Variants in GRIK3 observed in about 807,000 individuals in gnomAD.
GRIK3 encodes glutamate receptor ionotropic, kainate 3.
A neutral mutation model predicts 102.5 loss-of-function variants in GRIK3; 29 were observed. That is an observed-to-expected ratio of 0.28 (90% CI 0.21 to 0.39). The LOEUF is 0.39. Ranked by LOEUF, GRIK3 falls within the 10% of genes least tolerant of loss-of-function variation. GRIK3 has a pLI of 1.00. For synonymous variants in GRIK3, 511 were observed against 504.9 expected, an observed-to-expected ratio of 1.01 and a Z score of -0.16; for missense variants, 908 against 1,252.4, an observed-to-expected ratio of 0.73 and a Z score of 4.15.
intron 1 of GRIK3, among the ~76,000 whole-genome samples, chr1:36,988,249 C>G (rs780976927): frequency 1.3e-5 from 2 of 152,144 alleles, no homozygotes; most frequent in Non-Finnish European, 2.9e-5. Flanking sequence ...CGAGGTCGCA[C>G]CACTGCACCC....
chr1:36,853,104 A>C (rs767721738), intron 8 of GRIK3, among the ~76,000 whole-genome samples: 7 of 152,180 alleles, frequency 4.6e-5, no homozygotes, highest in Non-Finnish European at 8.8e-5. Context: ...CCTCTTTCCA[A>C]GGGAAAGAAT....
intron 1 of GRIK3, among the ~76,000 whole-genome samples, chr1:36,916,343 C>A (rs1208461714): frequency 6.6e-6 from 1 of 152,098 alleles, no homozygotes; most frequent in Non-Finnish European, 1.5e-5. Flanking sequence ...TGCAGCCTGA[C>A]AACATGATGG....
At chr1:36,899,407 A>G (rs562464650) in intron 1 of GRIK3, among the ~76,000 whole-genome samples, 44 of 152,216 alleles carry the variant, frequency 2.9e-4, no homozygotes, top group Non-Finnish European at 5.7e-4. Context: ...GCTAAGTGAA[A>G]TAAGCCAGTC....
rs768042690 is a variant in GRIK3 at position 36,872,374 on chromosome 1, G to A, written c.551-5C>T. On this transcript the variant is annotated splice_region_variant and splice_polypyrimidine_tract_variant and intron_variant, in intron 3 of 15. Transcript: ENST00000373091. This position sits in a 1 kb window ranked among gnomAD's most constrained non-coding sequence, Gnocchi z 5.9. Reference sequence around the variant, plus strand: ...GCTCCTGCAGTCGGATGAGCCCTGAGGGGCCATGGAGCACAAAAGACACAC... The same window carrying A: ...GCTCCTGCAGTCGGATGAGCCCTGAAGGGCCATGGAGCACAAAAGACACAC... The A allele has an allele frequency of 2.2e-5, 35 of 1,581,126 alleles. No individual in the cohort carries two copies. Among genetic ancestry groups the A allele is most frequent in the South Asian group, 1.0e-4 (9 of 86,946 alleles).
At position 36,820,747 on chromosome 1, in the gene GRIK3, C is replaced by T. The variant is rs74064767; in HGVS notation, c.1755-893G>A. On this transcript the variant is annotated intron_variant, in intron 11 of 15. Coordinates refer to ENST00000373091, the MANE Select transcript of GRIK3 (RefSeq NM_000831.4). ...GAATGTACTCCAGCATCCTATCCCC[C>T]GGAGAGAACAATGCGTTATATAATT... Among the ~76,000 whole-genome samples, 1,455 of 152,234 alleles carry T rather than the reference C, an allele frequency of 9.6e-3. 17 individuals carry two copies. Among genetic ancestry groups the T allele is most frequent in the African/African-American group, 0.032 (1,316 of 41,516 alleles).
At position 36,806,227 on chromosome 1, in the gene GRIK3, T is replaced by C. The variant is rs949058833; in HGVS notation, c.2191A>G (p.Thr731Ala). The change falls in exon 14 of 16, where the codon ACG becomes GCG. Residue 731 changes from threonine to alanine, a missense_variant. Coordinates refer to ENST00000373091, the MANE Select transcript of GRIK3 (RefSeq NM_000831.4). This position sits in a 1 kb window ranked among gnomAD's most constrained non-coding sequence, Gnocchi z 4.0. ...NNEEGIQRAL[T>A]ADYALLMEST... Reference sequence around the variant, plus strand: ...TCCATGAGCAGCGCGTAGTCGGCCGTCAGGGCCCTCTGGATGCCCTCCTCG... The same window carrying C: ...TCCATGAGCAGCGCGTAGTCGGCCGCCAGGGCCCTCTGGATGCCCTCCTCG... The C allele has an allele frequency of 1.2e-6, 2 of 1,613,940 alleles. No homozygotes were observed. Among genetic ancestry groups the C allele is most frequent in the Admixed American group, 3.3e-5 (2 of 60,004 alleles).
At chr1:36,830,427 A>T (rs1640253760) in intron 10 of GRIK3, among the ~76,000 whole-genome samples, 1 of 151,810 alleles carries the variant, frequency 6.6e-6, no homozygotes, top group Non-Finnish European at 1.5e-5. Context: ...ATTTGGAAAT[A>T]AGGTTTTTGC....
intron 1 of GRIK3, among the ~76,000 whole-genome samples, chr1:36,926,142 A>G (rs2124308815): frequency 6.6e-6 from 1 of 152,304 alleles, no homozygotes; most frequent in African/African-American, 2.4e-5. Context: ...AAGAATTCTT[A>G]GGGCCCTGCT....
At chr1:36,881,329 G>A (rs1033357726) in intron 2 of GRIK3, among the ~76,000 whole-genome samples, 2 of 152,102 alleles carry the variant, frequency 1.3e-5, no homozygotes, top group Non-Finnish European at 2.9e-5. Flanking sequence ...CCCCGGACCT[G>A]TGCATCTCAC....
intron 7 of GRIK3, among the ~76,000 whole-genome samples, chr1:36,857,607 A>G (rs939338029): frequency 6.6e-6 from 1 of 152,230 alleles, no homozygotes; most frequent in Non-Finnish European, 1.5e-5. Context: ...GTCTGAAGCC[A>G]CACAGCTGGG....
At chr1:36,938,103 A>G (rs149159926) in intron 1 of GRIK3, among the ~76,000 whole-genome samples, 4 of 152,384 alleles carry the variant, frequency 2.6e-5, no homozygotes, top group South Asian at 2.1e-4. Context: ...AGAAAGACAC[A>G]TGCAATTTCA....
At chr1:36,832,912 C>T (rs553935816) in intron 10 of GRIK3, among the ~76,000 whole-genome samples, 1 of 152,308 alleles carries the variant, frequency 6.6e-6, no homozygotes, top group South Asian at 2.1e-4. Flanking sequence ...GCCCCCCTGC[C>T]CCCAAGGCTA....
chr1:36,987,582 A>G lies in GRIK3; in HGVS notation c.115+46412T>C, dbSNP rs374550907. Reference sequence around the variant, plus strand: ...AAGAAGCTGGGGTATTCATCCTCCAATCCCCATCCATTATTCACCAAGGCT... The same window carrying G: ...AAGAAGCTGGGGTATTCATCCTCCAGTCCCCATCCATTATTCACCAAGGCT... On this transcript the variant is annotated intron_variant, in intron 1 of 15. Coordinates refer to ENST00000373091, the MANE Select transcript of GRIK3 (RefSeq NM_000831.4). Among the ~76,000 whole-genome samples, 24 of 152,244 alleles carry G rather than the reference A, an allele frequency of 1.6e-4. No homozygotes were observed. The East Asian group carries it at 2.3e-3, about 15-fold the overall frequency.
chr1:36,888,329 G>T (rs1242478038), intron 2 of GRIK3, among the ~76,000 whole-genome samples: 2 of 152,184 alleles, frequency 1.3e-5, no homozygotes, highest in East Asian at 3.8e-4. Context: ...TTCAAAAACA[G>T]CAAAACCCAG....
chr1:36,916,180 C>T (rs1176165143), intron 1 of GRIK3, among the ~76,000 whole-genome samples: 1 of 152,140 alleles, frequency 6.6e-6, no homozygotes. Context: ...TGCCCCTGCC[C>T]TACAGACTTG....
chr1:36,953,262 C>G (rs1189512205), intron 1 of GRIK3, among the ~76,000 whole-genome samples: 1 of 152,102 alleles, frequency 6.6e-6, no homozygotes, highest in Non-Finnish European at 1.5e-5. Flanking sequence ...GCGGAGCGTT[C>G]CCAGCTTGAG....
intron 1 of GRIK3, among the ~76,000 whole-genome samples, chr1:36,928,558 C>G (rs1557428593): frequency 6.6e-6 from 1 of 152,250 alleles, no homozygotes; most frequent in Non-Finnish European, 1.5e-5. Context: ...CAGCATTCTG[C>G]TTGCATGCAT....
chr1:36,806,472 T>C lies in GRIK3; in HGVS notation c.2092-146A>G, dbSNP rs959179582. On this transcript the variant is annotated intron_variant, in intron 13 of 15. Transcript: ENST00000373091. The surrounding 1 kb of genome is among the most constrained non-coding windows in gnomAD (Gnocchi z 4.0). ...GGAAGTGCTACACGGTGCTCAGATA[T>C]AGAAATTGAGGCCCCGGGGCAAAGG... 6 of 583,390 alleles carry C rather than the reference T, an allele frequency of 1.0e-5. No homozygotes were observed. Among genetic ancestry groups the C allele is most frequent in the South Asian group, 2.1e-5 (1 of 46,512 alleles). 36.1% of individuals were successfully genotyped at this position (583,390 alleles called of 1,614,324 possible).
chr1:37,012,310 G>T (rs527301398), intron 1 of GRIK3, among the ~76,000 whole-genome samples: 2 of 152,344 alleles, frequency 1.3e-5, no homozygotes, highest in South Asian at 4.1e-4. Context: ...GGCCAGGCAG[G>T]ATCACTGTAT....
Sources: gnomAD v4.1 joint callset for allele counts (sites outside exome capture counted in the v4.1 genomes callset) on GRCh38, gnomAD v4.1.1 for gene constraint, Gnocchi (gnomAD v3.1) non-coding constraint, MANE v1.5 for transcripts, NCBI Gene and HGNC (gene_info 2026-07-23, HGNC 2026-07-21) for gene names.